The following PGAP1 variants were observed in gnomAD, a reference collection of about 807,000 sequenced individuals.
The protein encoded by PGAP1 is GPI inositol-deacylase.
Under a neutral mutation model 127.0 loss-of-function variants are expected in PGAP1, and 76 were observed. The ratio of observed to expected loss-of-function variants is 0.60; its 90% CI spans 0.50 to 0.72. PGAP1 has a LOEUF of 0.72. PGAP1 is among the 30% of genes least tolerant of loss of function. PGAP1 has a pLI of 0.00. For synonymous variants in PGAP1, 362 were observed against 366.5 expected (o/e 0.99, Z 0.14); for missense variants, 982 against 1,071.3 (o/e 0.92, Z 1.16).
intron 1 of PGAP1, 111 bp downstream of exon 1, chr2:196,926,359 C>T (rs1433070188): frequency 6.5e-7 from 1 of 1,530,314 alleles, no homozygotes; most frequent in Non-Finnish European, 8.9e-7. Flanking sequence ...GAGGACGGGA[C>T]AGGGGGCCCG....
chr2:196,841,454 G>T, intron 26 of PGAP1, 82 bp from the exon 27 acceptor site: 1 of 1,021,936 alleles, frequency 9.8e-7, no homozygotes, highest in Non-Finnish European at 1.4e-6. Context: ...ATACAGTTTT[G>T]GAAAGATAAA....
chr2:196,844,213 G>T, intron 24 of PGAP1, 138 bp from the exon 25 acceptor site: 1 of 571,784 alleles, frequency 1.7e-6, no homozygotes. Flanking sequence ...AAATTACTTT[G>T]CTTAAAAATA....
intron 4 of PGAP1, among the ~76,000 whole-genome samples, chr2:196,912,025 G>A (rs1486878253): frequency 1.3e-5 from 2 of 152,066 alleles, no homozygotes; most frequent in African/African-American, 4.8e-5. Flanking sequence ...CATGACTCTG[G>A]GCAAGAACGT....
chr2:196,859,170 T>C (rs528835799), intron 20 of PGAP1, among the ~76,000 whole-genome samples: 29 of 151,904 alleles, frequency 1.9e-4, no homozygotes, highest in African/African-American at 7.0e-4. Context: ...CTACTAAAAA[T>C]ACAAAAATTA....
intron 20 of PGAP1, among the ~76,000 whole-genome samples, chr2:196,852,262 T>C (rs1343545405): frequency 6.6e-6 from 1 of 152,130 alleles, no homozygotes; most frequent in Non-Finnish European, 1.5e-5. Context: ...TGTATTGGCA[T>C]AGTTGGCCAA....
chr2:196,870,476 C>T (rs1178328986), intron 19 of PGAP1, among the ~76,000 whole-genome samples: 3 of 151,732 alleles, frequency 2.0e-5, no homozygotes, highest in Non-Finnish European at 2.9e-5. Flanking sequence ...TTTGTATTTT[C>T]AGTAGAGGTG....
intron 2 of PGAP1, among the ~76,000 whole-genome samples, chr2:196,919,702 G>A (rs377061295): frequency 3.3e-5 from 5 of 152,214 alleles, no homozygotes; most frequent in African/African-American, 1.2e-4. Context: ...ACATAAATGT[G>A]TTTCCTCTGC....
At chr2:196,911,739 G>C (rs1428083347) in intron 4 of PGAP1, among the ~76,000 whole-genome samples, 2 of 151,090 alleles carry the variant, frequency 1.3e-5, no homozygotes, top group Admixed American at 1.3e-4. Flanking sequence ...ATTCCTATAA[G>C]CAGTGAGGAT....
In PGAP1 at chr2:196,916,572, G is replaced by A. The variant is rs555945175; in HGVS notation, c.323C>T (p.Ala108Val). 1.9e-6 allele frequency: 3 copies of A among 1,611,016 alleles called. No individual in the cohort carries two copies. Among genetic ancestry groups the A allele is most frequent in the Non-Finnish European group, 2.5e-6 (3 of 1,178,908 alleles). ...YKQVRSIGSI[A>V]LRKAEDIDFK... ...GTCAATGTCCTCTGCTTTTCTAAGT[G>A]CAATGGAGCCAATAGAACGAACTGC... The change falls in exon 3 of 27, where the codon GCA becomes GTA. Residue 108 changes from alanine (A) to valine (V), a missense_variant. Physicochemically the swap from Ala to Val is moderately conservative, Grantham distance 64. Transcript: ENST00000354764.
chr2:196,886,677 G>A (rs1701919526), intron 10 of PGAP1, among the ~76,000 whole-genome samples: 1 of 151,988 alleles, frequency 6.6e-6, no homozygotes, highest in African/African-American at 2.4e-5. Context: ...TATCGTTTGA[G>A]TTTCCATTTG....
chr2:196,922,093 G>A, intron 1 of PGAP1: 1 of 1,213,840 alleles, frequency 8.2e-7, no homozygotes, highest in African/African-American at 1.6e-5. Flanking sequence ...ACCATATTAA[G>A]ATCAATTACC....
rs1276423216 is a variant in PGAP1 at position 196,926,538 on chromosome 2, C to T, written c.79G>A (p.Asp27Asn). Residue 27 changes from aspartate (D) to asparagine (N), a missense_variant, in exon 1 of 27, where the codon GAT becomes AAT. Coordinates refer to ENST00000354764, the MANE Select transcript of PGAP1 (RefSeq NM_024989.4). The stretch of plus-strand genomic sequence containing the variant: ...TTCTCCTCGAAGCCGAAGAAGACAT[C>T]CCACAGCCCCAGGGTTGCCAGAAAG... The part of the protein sequence containing the change: ...MVFLATLGLW[D>N]VFFGFEENKC... 3 of 1,614,080 alleles carry T rather than the reference C, an allele frequency of 1.9e-6. No individual in the cohort carries two copies. The highest frequency in any genetic ancestry group is 2.5e-6 in the Non-Finnish European group (3 of 1,180,032).
chr2:196,848,806 T>C (rs1009226667), intron 20 of PGAP1, among the ~76,000 whole-genome samples: 4 of 152,194 alleles, frequency 2.6e-5, no homozygotes. Context: ...CTTTCATTTT[T>C]CTTGGTTATA....
intron 19 of PGAP1, among the ~76,000 whole-genome samples, chr2:196,865,578 T>C (rs1440615442): frequency 5.9e-5 from 9 of 152,158 alleles, no homozygotes; most frequent in Admixed American, 5.9e-4. Context: ...ACCTTATAGG[T>C]AGTTATTAGG....
At chr2:196,854,291 T>C (rs1252146539) in intron 20 of PGAP1, among the ~76,000 whole-genome samples, 2 of 152,174 alleles carry the variant, frequency 1.3e-5, no homozygotes, top group Non-Finnish European at 2.9e-5. Flanking sequence ...ATCTCTCATC[T>C]TGTAGAGATA....
intron 19 of PGAP1, among the ~76,000 whole-genome samples, chr2:196,867,142 C>T (rs1166423853): frequency 2.0e-5 from 3 of 151,984 alleles, no homozygotes; most frequent in Admixed American, 2.0e-4. Context: ...AGTATATACC[C>T]AAAGGATTAT....
At chr2:196,865,198 C>T (rs1045882952) in intron 19 of PGAP1, 118 bp from the exon 20 acceptor site, 1 of 570,856 alleles carries the variant, frequency 1.8e-6, no homozygotes, top group South Asian at 2.5e-5. Flanking sequence ...AAAGATATTT[C>T]CAGTAATAAG....
chr2:196,898,205 G>T, intron 6 of PGAP1, 112 bp downstream of exon 6: 1 of 696,592 alleles, frequency 1.4e-6, no homozygotes, highest in Non-Finnish European at 2.4e-6. Flanking sequence ...GCAACAGAGC[G>T]AGACTCTGTC....
chr2:196,892,553 A>T (rs1576165204), intron 8 of PGAP1, 152 bp from the exon 9 acceptor site: 1 of 474,772 alleles, frequency 2.1e-6, no homozygotes. Flanking sequence ...ATCTAGTAAT[A>T]TATTTTCTAT....
Sources: allele counts gnomAD v4.1 joint callset (sites outside exome capture counted in the v4.1 genomes callset), GRCh38; gene constraint gnomAD v4.1.1; transcripts MANE v1.5; gene names NCBI Gene and HGNC (gene_info 2026-07-23, HGNC 2026-07-21).